Variants in KCNU1 observed in about 807,000 individuals in gnomAD.
KCNU1 encodes the protein potassium calcium-activated channel subfamily U member 1, also known as potassium channel subfamily U member 1.
KCNU1 carries 93 observed loss-of-function variants against 126.8 expected under a neutral mutation model. The ratio of observed to expected loss-of-function variants is 0.73; its 90% CI spans 0.62 to 0.87. The LOEUF (loss-of-function observed/expected upper bound fraction) is 0.87. Among genes scored for constraint, KCNU1 ranks in the 40% least tolerant of loss-of-function variants. The pLI, the probability that KCNU1 is intolerant of heterozygous loss-of-function variation, is 0.00. For missense variants in KCNU1, 1,330 were observed against 1,367.1 expected (o/e 0.97, Z 0.43); for synonymous variants, 523 against 494.2 (o/e 1.06, Z -0.77).
In KCNU1 at chr8:36,840,835, A is replaced by T. The variant is rs149341431; in HGVS notation, c.1632-97A>T. 5.5e-3 allele frequency: 4,826 copies of T among 871,916 alleles called. 36 individuals carry two copies. The highest frequency in any genetic ancestry group is 0.011 in the Middle Eastern group (49 of 4,594). 54.0% of individuals were successfully genotyped at this position (871,916 alleles called of 1,614,324 possible). A position where few individuals can be genotyped will look rare whatever the true frequency, so the allele number is the denominator to read the frequency against. On this transcript the variant is annotated intron_variant, in intron 15 of 26. Transcript: ENST00000399881. ...CACATTGGGAGTTCTTTCCTCTAAG[A>T]TGTTGGTTTCCTCCTAGGCACAGAG...
intron 20 of KCNU1, among the ~76,000 whole-genome samples, chr8:36,907,230 G>A (rs1294049764): frequency 2.0e-5 from 3 of 152,130 alleles, no homozygotes; most frequent in Admixed American, 1.3e-4. Flanking sequence ...AAAGGGTCAA[G>A]TAGAAATGAT....
At chr8:36,832,441 T>C (rs1211478345) in intron 10 of KCNU1, among the ~76,000 whole-genome samples, 1 of 152,144 alleles carries the variant, frequency 6.6e-6, no homozygotes, top group Non-Finnish European at 1.5e-5. Flanking sequence ...TTTTTATTTT[T>C]TCTAGAGTTA....
chr8:36,846,460 A>C (rs1226582316), intron 18 of KCNU1, among the ~76,000 whole-genome samples: 29 of 152,170 alleles, frequency 1.9e-4, no homozygotes, highest in Admixed American at 1.9e-3. Flanking sequence ...ATGGCAGAAA[A>C]GGAAAAATTA....
At chr8:36,886,044 C>T (rs1474103544) in intron 19 of KCNU1, among the ~76,000 whole-genome samples, 2 of 152,104 alleles carry the variant, frequency 1.3e-5, no homozygotes, top group Admixed American at 6.5e-5. Flanking sequence ...ATAATCTTCC[C>T]GTATCCCACA....
At chr8:36,796,409 A>C (rs1803101864) in intron 2 of KCNU1, among the ~76,000 whole-genome samples, 1 of 152,184 alleles carries the variant, frequency 6.6e-6, no homozygotes, top group Admixed American at 6.5e-5. Context: ...TGTGTTTTCC[A>C]TATCCTTAAT....
rs778005015 is a variant in KCNU1, at chr8:36,784,469, C to A, written c.59C>A (p.Thr20Lys). 6 of 1,613,754 alleles carry A rather than the reference C, an allele frequency of 3.7e-6. No individual in the cohort carries two copies. The highest frequency in any genetic ancestry group is 5.1e-6 in the Non-Finnish European group (6 of 1,179,804). The change falls in exon 1 of 27, where the codon ACA becomes AAA. Residue 20 changes from threonine to lysine, a missense_variant. Physicochemically the swap from Thr to Lys is moderately conservative, Grantham distance 78. This residue lies in a region of KCNU1 where 247 missense variants were observed against 255.4 expected (regional missense o/e 0.97). Transcript: ENST00000399881. ...GAAGACTTGCCAAAAATGTCCTGCA[C>A]AACTGAGATCCAAGCAGCATTCATT... ...TWEDLPKMSC[T>K]TEIQAAFILS...
intron 18 of KCNU1, among the ~76,000 whole-genome samples, chr8:36,858,329 G>A (rs1337238518): frequency 1.3e-5 from 2 of 151,126 alleles, no homozygotes; most frequent in Non-Finnish European, 2.9e-5. Flanking sequence ...ACTTTATTTT[G>A]GGACTGGAAA....
At chr8:36,802,953 A>C (rs1803366110) in intron 2 of KCNU1, among the ~76,000 whole-genome samples, 1 of 152,144 alleles carries the variant, frequency 6.6e-6, no homozygotes, top group Non-Finnish European at 1.5e-5. Context: ...ATTCAGTTGG[A>C]ATCTCCAAAG....
At chr8:36,834,899 AT>A in intron 12 of KCNU1, 31 bp downstream of exon 12, 1 of 1,431,062 alleles carries the variant, frequency 7.0e-7, no homozygotes, top group Non-Finnish European at 9.8e-7. Flanking sequence ...TGCTATAACG[AT>A]TATTTTTTTC....
intron 19 of KCNU1, among the ~76,000 whole-genome samples, chr8:36,892,289 C>T (rs1345949613): frequency 6.6e-6 from 1 of 152,126 alleles, no homozygotes; most frequent in Admixed American, 6.6e-5. Flanking sequence ...TACTTCTTAA[C>T]TCCAGAATTT....
intron 19 of KCNU1, among the ~76,000 whole-genome samples, chr8:36,904,388 A>G (rs969756221): frequency 3.3e-5 from 5 of 152,130 alleles, no homozygotes; most frequent in African/African-American, 1.2e-4. Context: ...AGCTAGTCAC[A>G]TGGCCCCACC....
At chr8:36,834,902 A>AT (rs773100515) in intron 12 of KCNU1, 34 bp downstream of exon 12, 11 of 1,378,802 alleles carry the variant, frequency 8.0e-6, no homozygotes, top group South Asian at 4.9e-5. Flanking sequence ...TATAACGATT[A>AT]TTTTTTTCTA....
chr8:36,931,834 G>A (rs1340712113), intron 25 of KCNU1, among the ~76,000 whole-genome samples: 1 of 152,102 alleles, frequency 6.6e-6, no homozygotes, highest in African/African-American at 2.4e-5. Flanking sequence ...GAGGGAGCTG[G>A]TAAACAGTAG....
Position 36,910,878 on chromosome 8 carries a change from T to C in KCNU1, c.2332-52T>C, listed in dbSNP as rs879174122. On this transcript the variant is annotated intron_variant, in intron 21 of 26. Coordinates refer to ENST00000399881, the MANE Select transcript of KCNU1 (RefSeq NM_001031836.3). ...AAAGAGCCACCACCATGAGCCATGATATAACATCCCTCCATCCGACCAGTG... is the reference window on the plus strand; with the variant it reads ...AAAGAGCCACCACCATGAGCCATGACATAACATCCCTCCATCCGACCAGTG... 34 of 1,312,558 alleles carry C rather than the reference T, an allele frequency of 2.6e-5. No homozygotes were observed. In the South Asian group the frequency reaches 4.1e-4, roughly 16 times the overall value. 81.3% of individuals were successfully genotyped at this position (1,312,558 alleles called of 1,614,324 possible).
rs1804535887 is a variant in KCNU1, at chr8:36,831,252, A to G, written c.1107-2302A>G. On this transcript the variant is annotated intron_variant, in intron 10 of 26. Transcript: ENST00000399881. ...ATGTGTCTTTATAGCAGCATGATTT[A>G]TAGTCCTTTGGGTATATACCCAGTA... is the stretch of plus-strand genomic sequence containing the variant. Among the ~76,000 whole-genome samples the G allele has an allele frequency of 3.3e-5, 5 of 152,168 alleles. No individual in the cohort carries two copies. The South Asian group carries it at 8.3e-4, about 25-fold the overall frequency.
At chr8:36,899,116 G>A (rs563972848) in intron 19 of KCNU1, among the ~76,000 whole-genome samples, 18 of 152,128 alleles carry the variant, frequency 1.2e-4, no homozygotes, top group African/African-American at 3.1e-4. Flanking sequence ...TAGAAAAAGC[G>A]CTGCAGAAAA....
chr8:36,817,227 C>G (rs1354149698), intron 9 of KCNU1, among the ~76,000 whole-genome samples: 1 of 151,310 alleles, frequency 6.6e-6, no homozygotes. Flanking sequence ...AGGCCAGGCA[C>G]AGTGGCTCGT....
At chr8:36,864,062 T>C (rs1163739338) in intron 18 of KCNU1, among the ~76,000 whole-genome samples, 1 of 152,156 alleles carries the variant, frequency 6.6e-6, no homozygotes, top group Non-Finnish European at 1.5e-5. Flanking sequence ...AGGATTTTTG[T>C]AGAGTGATGC....
chr8:36,855,521 T>G (rs1452077342), intron 18 of KCNU1, among the ~76,000 whole-genome samples: 3 of 152,098 alleles, frequency 2.0e-5, no homozygotes, highest in African/African-American at 7.2e-5. Flanking sequence ...GAATATGGAG[T>G]ATTATGTTTT....
Sources: gnomAD v4.1 joint callset for allele counts (sites outside exome capture counted in the v4.1 genomes callset) on GRCh38, gnomAD v4.1.1 for gene constraint, gnomAD v4.1.1 regional missense constraint, MANE v1.5 for transcripts, NCBI Gene and HGNC (gene_info 2026-07-23, HGNC 2026-07-21) for gene names.